The following GLIPR1L2 variants were observed in gnomAD, a reference collection of about 807,000 sequenced individuals.
The protein encoded by GLIPR1L2 is GLIPR1-like protein 2.
In GLIPR1L2, 21 loss-of-function variants were observed where a neutral mutation model predicts 28.4. The ratio of observed to expected loss-of-function variants is 0.74; its 90% CI spans 0.52 to 1.06. The LOEUF (loss-of-function observed/expected upper bound fraction) is 1.06. Ranked by LOEUF, GLIPR1L2 falls within the 50% of genes least tolerant of loss-of-function variation. GLIPR1L2 has a pLI of 0.00. For synonymous variants in GLIPR1L2, 145 were observed against 139.3 expected, an observed-to-expected ratio of 1.04 and a Z score of -0.29; for missense variants, 476 against 416.9, an observed-to-expected ratio of 1.14 and a Z score of -1.23.
At chr12:75,401,342 A>C (rs190222940) in intron 1 of GLIPR1L2, among the ~76,000 whole-genome samples, 3 of 151,576 alleles carry the variant, frequency 2.0e-5, no homozygotes, top group Admixed American at 6.6e-5. Context: ...AAAATAATAT[A>C]GAAATGAAGA....
intron 2 of GLIPR1L2, among the ~76,000 whole-genome samples, chr12:75,412,488 A>C (rs1394314327): frequency 6.6e-6 from 1 of 152,190 alleles, no homozygotes; most frequent in African/African-American, 2.4e-5. Flanking sequence ...GAACTCAAAC[A>C]AATTTACAAG....
intron 2 of GLIPR1L2, among the ~76,000 whole-genome samples, chr12:75,411,667 G>A (rs1458612503): frequency 4.0e-5 from 6 of 151,674 alleles, no homozygotes; most frequent in Admixed American, 2.6e-4. Flanking sequence ...AGACCTTTTC[G>A]TTTCCTGCAT....
intron 2 of GLIPR1L2, among the ~76,000 whole-genome samples, chr12:75,412,887 C>T (rs1477516716): frequency 6.6e-6 from 1 of 152,126 alleles, no homozygotes; most frequent in African/African-American, 2.4e-5. Context: ...TATAAAGACA[C>T]ATGCACACGT....
At chr12:75,417,718 TA>T (rs1359085115) in intron 3 of GLIPR1L2, among the ~76,000 whole-genome samples, 1 of 152,110 alleles carries the variant, frequency 6.6e-6, no homozygotes, top group African/African-American at 2.4e-5. Context: ...AAAATGTTCC[TA>T]ATCTACAAAG....
intron 2 of GLIPR1L2, 84 bp downstream of exon 2, chr12:75,410,763 A>C: frequency 3.0e-6 from 3 of 988,328 alleles, no homozygotes; most frequent in Non-Finnish European, 4.4e-6. Context: ...ATTTGTACAT[A>C]AACTCAAATA....
At chr12:75,417,081 C>G (rs2045930344) in intron 3 of GLIPR1L2, among the ~76,000 whole-genome samples, 1 of 151,946 alleles carries the variant, frequency 6.6e-6, no homozygotes, top group Non-Finnish European at 1.5e-5. Flanking sequence ...ATTTCCAGAA[C>G]CTGTCAATAT....
rs1350091242 is a variant in GLIPR1L2, at chr12:75,423,624, G to GC, written c.670+635_670+636insC. The GC allele has an allele frequency of 2.0e-5, 6 of 295,782 alleles. No individual in the cohort carries two copies. In the East Asian group the frequency reaches 1.0e-3, roughly 51 times the overall value. The allele number at this position is 295,782 out of a possible 1,614,324, so 18.3% of individuals were successfully genotyped here. ...TGGGGTACCTGTGCAGAACGTGCAG[G>GC]TTTGTTACATAGGTATATACATGCC... On this transcript the variant is annotated intron_variant, in intron 4 of 5. Transcript: ENST00000550916.
intron 4 of GLIPR1L2, among the ~76,000 whole-genome samples, chr12:75,428,964 C>A (rs1002113411): frequency 2.0e-5 from 3 of 152,180 alleles, no homozygotes; most frequent in African/African-American, 7.2e-5. Flanking sequence ...GATGTCCAGG[C>A]ACAAGTTTGC....
chr12:75,416,744 C>A (rs1360135114), intron 3 of GLIPR1L2, among the ~76,000 whole-genome samples: 1 of 152,028 alleles, frequency 6.6e-6, no homozygotes, highest in Non-Finnish European at 1.5e-5. Context: ...TTGAAATTAC[C>A]CTTTTTTTCT....
chr12:75,404,117 T>G (rs895547002), intron 1 of GLIPR1L2, among the ~76,000 whole-genome samples: 3 of 152,200 alleles, frequency 2.0e-5, no homozygotes, highest in African/African-American at 7.2e-5. Context: ...AAGTATTTTA[T>G]ATAAATCAGT....
intron 1 of GLIPR1L2, among the ~76,000 whole-genome samples, chr12:75,405,333 C>T (rs1334577035): frequency 1.3e-5 from 2 of 152,102 alleles, no homozygotes; most frequent in African/African-American, 4.8e-5. Context: ...ACCGTCATTA[C>T]AAGACTGAAC....
At chr12:75,398,085 C>A (rs1205413006) in intron 1 of GLIPR1L2, among the ~76,000 whole-genome samples, 1 of 150,454 alleles carries the variant, frequency 6.6e-6, no homozygotes, top group African/African-American at 2.4e-5. Flanking sequence ...AATCCCAACA[C>A]TTCGGGAGGC....
intron 1 of GLIPR1L2, among the ~76,000 whole-genome samples, chr12:75,399,395 C>T (rs10879906): frequency 0.32 from 48,681 of 151,936 alleles, 8,593 homozygotes; most frequent in East Asian, 0.46. Context: ...TTCATCCATA[C>T]ATCAATATAA....
intron 1 of GLIPR1L2, among the ~76,000 whole-genome samples, chr12:75,405,386 G>C (rs2045786305): frequency 6.6e-6 from 1 of 152,122 alleles, no homozygotes; most frequent in South Asian, 2.1e-4. Flanking sequence ...AAACTGTTTT[G>C]AAGGAAGGGT....
chr12:75,425,083 G>C (rs1342803970), intron 4 of GLIPR1L2, among the ~76,000 whole-genome samples: 2 of 152,064 alleles, frequency 1.3e-5, no homozygotes, highest in Non-Finnish European at 1.5e-5. Flanking sequence ...GAGACCTCAT[G>C]GAATGAAGTA....
intron 2 of GLIPR1L2, among the ~76,000 whole-genome samples, chr12:75,412,100 C>G (rs1056674404): frequency 6.6e-6 from 1 of 151,998 alleles, no homozygotes; most frequent in African/African-American, 2.4e-5. Flanking sequence ...CTTCTCTACT[C>G]TTGTATCATT....
At chr12:75,416,618 G>A (rs1319858648) in intron 3 of GLIPR1L2, among the ~76,000 whole-genome samples, 1 of 152,078 alleles carries the variant, frequency 6.6e-6, no homozygotes, top group African/African-American at 2.4e-5. Context: ...ATGAGAAATT[G>A]AGGAAGGAGA....
Position 75,430,979 on chromosome 12 carries a change from CA to C in GLIPR1L2, c.855del (p.Gln285HisfsTer3), listed in dbSNP as rs1381011035. On this transcript the variant is annotated frameshift_variant, in exon 6 of 6. Transcript: ENST00000550916. LOFTEE classifies it low-confidence loss of function (END_TRUNC). ...QSQFPNILLEQQMIFTPEESE... is the reference protein window; with the variant it reads ...QSQFPNILLEXQMIFTPEESE... ...TCAGTTTCCAAATATCTTGTTGGAA[CA>C]ACAAATGATATTTACCCCTGAGGAA... is the stretch of plus-strand genomic sequence containing the variant. 2.6e-6 allele frequency: 4 copies of C among 1,534,458 alleles called. No individual in the cohort carries two copies. The highest frequency in any genetic ancestry group is 2.6e-6 in the Non-Finnish European group (3 of 1,146,310).
At chr12:75,420,601 GC>G (rs371017277) in intron 3 of GLIPR1L2, among the ~76,000 whole-genome samples, 256 of 152,296 alleles carry the variant, frequency 1.7e-3, no homozygotes, top group African/African-American at 5.9e-3. Flanking sequence ...CTTAGAAAAT[GC>G]AAATTTTCTA....
Sources: gnomAD v4.1 joint callset for allele counts (sites outside exome capture counted in the v4.1 genomes callset) on GRCh38, gnomAD v4.1.1 for gene constraint, MANE v1.5 for transcripts, NCBI Gene and HGNC (gene_info 2026-07-23, HGNC 2026-07-21) for gene names.